CCSER1: variants seen among roughly 807,000 people sequenced by gnomAD.
The protein encoded by CCSER1 is serine-rich coiled-coil domain-containing protein 1.
Under a neutral mutation model 82.0 loss-of-function variants are expected in CCSER1, and 41 were observed. The observed-to-expected ratio is 0.50, with a 90% CI of 0.39 to 0.65. The LOEUF is 0.65. Ranked by LOEUF, CCSER1 falls within the 30% of genes least tolerant of loss-of-function variation. The pLI is 0.00. For missense variants in CCSER1, 1,119 were observed against 1,064.2 expected, an observed-to-expected ratio of 1.05 and a Z score of -0.72; for synonymous variants, 414 against 383.9, an observed-to-expected ratio of 1.08 and a Z score of -0.92.
chr4:91,108,718 C>T (rs780180528), intron 10 of CCSER1, among the ~76,000 whole-genome samples: 13 of 152,186 alleles, frequency 8.5e-5, no homozygotes, highest in Non-Finnish European at 1.6e-4. Context: ...TCATTTCTTG[C>T]TTCCAATGGT....
chr4:90,822,562 A>G (rs1759884525), intron 8 of CCSER1, among the ~76,000 whole-genome samples: 1 of 152,030 alleles, frequency 6.6e-6, no homozygotes. Flanking sequence ...CCTCATCTCT[A>G]CTAAAAATAC....
chr4:91,462,040 T>A (rs1212609318), intron 10 of CCSER1, among the ~76,000 whole-genome samples: 1 of 152,168 alleles, frequency 6.6e-6, no homozygotes, highest in Non-Finnish European at 1.5e-5. Flanking sequence ...CAAACAAAAG[T>A]ACAATCTTAT....
At chr4:90,281,779 T>C (rs1424196130) in intron 1 of CCSER1, among the ~76,000 whole-genome samples, 1 of 152,106 alleles carries the variant, frequency 6.6e-6, no homozygotes, top group Non-Finnish European at 1.5e-5. Context: ...GATTTTGTAC[T>C]CATTTACATT....
intron 6 of CCSER1, among the ~76,000 whole-genome samples, chr4:90,657,481 T>C (rs1729910796): frequency 1.3e-5 from 2 of 152,194 alleles, no homozygotes; most frequent in Admixed American, 6.5e-5. Context: ...ATAGTTCTTC[T>C]GTTTTTTACT....
At chr4:90,406,749 G>T (rs1429071588) in intron 4 of CCSER1, among the ~76,000 whole-genome samples, 3 of 152,146 alleles carry the variant, frequency 2.0e-5, no homozygotes, top group Non-Finnish European at 4.4e-5. Context: ...ACCTGCTTCT[G>T]CATGATCATT....
intron 10 of CCSER1, among the ~76,000 whole-genome samples, chr4:91,376,706 T>C (rs1578303877): frequency 1.3e-5 from 2 of 152,294 alleles, no homozygotes; most frequent in East Asian, 1.9e-4. Context: ...TTGTATTTGA[T>C]GTTGTGAAGA....
At chr4:91,037,441 G>A (rs957793053) in intron 9 of CCSER1, among the ~76,000 whole-genome samples, 2 of 152,154 alleles carry the variant, frequency 1.3e-5, no homozygotes, top group Non-Finnish European at 2.9e-5. Context: ...TGTAGCTGGA[G>A]CAAATTCAAC....
At chr4:90,746,257 G>A (rs1017709065) in intron 7 of CCSER1, among the ~76,000 whole-genome samples, 1 of 151,974 alleles carries the variant, frequency 6.6e-6, no homozygotes, top group Admixed American at 6.6e-5. Flanking sequence ...TCCTAGTATA[G>A]AACCAGTACA....
chr4:90,616,095 G>C (rs111425531), intron 5 of CCSER1, among the ~76,000 whole-genome samples: 141 of 152,244 alleles, frequency 9.3e-4, no homozygotes, highest in Admixed American at 1.5e-3. Flanking sequence ...TTAAATTAAG[G>C]CGTGTACATT....
At chr4:90,287,304 T>A (rs759738142) in intron 1 of CCSER1, among the ~76,000 whole-genome samples, 1 of 152,018 alleles carries the variant, frequency 6.6e-6, no homozygotes, top group Non-Finnish European at 1.5e-5. Context: ...TATAGTGATA[T>A]AGTAAATATT....
chr4:91,218,251 T>C (rs1161957529), intron 10 of CCSER1, among the ~76,000 whole-genome samples: 2 of 152,184 alleles, frequency 1.3e-5, no homozygotes, highest in Non-Finnish European at 2.9e-5. Flanking sequence ...AAGGGTTGGC[T>C]GGCTGCTCCG....
At chr4:90,320,730 C>T (rs1214791508) in intron 3 of CCSER1, among the ~76,000 whole-genome samples, 1 of 151,962 alleles carries the variant, frequency 6.6e-6, no homozygotes, top group Non-Finnish European at 1.5e-5. Flanking sequence ...TAAAAATATT[C>T]CATTCATTTT....
intron 5 of CCSER1, among the ~76,000 whole-genome samples, chr4:90,529,006 CT>C (rs914265991): frequency 2.3e-4 from 34 of 147,014 alleles, no homozygotes; most frequent in East Asian, 4.0e-4. Flanking sequence ...CAGATGTCTG[CT>C]TTTTTTTTTC....
chr4:90,939,335 A>C (rs137928938), intron 9 of CCSER1, among the ~76,000 whole-genome samples: 1,691 of 152,304 alleles, frequency 0.011, 42 homozygotes, highest in African/African-American at 0.038. Flanking sequence ...GGTTTATTGG[A>C]AATTAACCTC....
At chr4:90,687,986 G>C (rs1735130290) in intron 6 of CCSER1, among the ~76,000 whole-genome samples, 1 of 152,072 alleles carries the variant, frequency 6.6e-6, no homozygotes, top group South Asian at 2.1e-4. Flanking sequence ...TTGAGCCTGA[G>C]TTCTGTACAG....
chr4:90,201,795 T>G (rs1234328588), intron 1 of CCSER1, among the ~76,000 whole-genome samples: 1 of 152,028 alleles, frequency 6.6e-6, no homozygotes, highest in Non-Finnish European at 1.5e-5. Flanking sequence ...ATGAAAGTTG[T>G]GTAGAATTTG....
rs182471755 is a variant in CCSER1, at chr4:90,851,410, T to C, written c.2094+35565T>C. Among the ~76,000 whole-genome samples, 472 of 130,470 alleles carry C rather than the reference T, an allele frequency of 3.6e-3. 3 individuals carry two copies. Among genetic ancestry groups the C allele is most frequent in the African/African-American group, 0.013 (449 of 35,052 alleles). The allele number at this position is 130,470 out of a possible 152,430, so 85.6% of individuals were successfully genotyped here. A position where few individuals can be genotyped will look rare whatever the true frequency, so the allele number is the denominator to read the frequency against. ...AGGGATGATAACCTTTCCTACACTT[T>C]GCCAATCATTGTATTAATTCTGTGA... On this transcript the variant is annotated intron_variant, in intron 8 of 10. Coordinates refer to ENST00000509176, the MANE Select transcript of CCSER1 (RefSeq NM_001145065.2).
intron 10 of CCSER1, among the ~76,000 whole-genome samples, chr4:91,408,552 G>C (rs977318286): frequency 6.6e-6 from 1 of 151,970 alleles, no homozygotes; most frequent in Non-Finnish European, 1.5e-5. Flanking sequence ...AACAGTTTTT[G>C]CTTTAAAGTT....
chr4:90,683,900 A>T (rs552271426), intron 6 of CCSER1, among the ~76,000 whole-genome samples: 1 of 152,172 alleles, frequency 6.6e-6, no homozygotes, highest in African/African-American at 2.4e-5. Context: ...GGAATGGAAC[A>T]AAATAATTAT....
Sources: allele counts gnomAD v4.1 joint callset (sites outside exome capture counted in the v4.1 genomes callset), GRCh38; gene constraint gnomAD v4.1.1; transcripts MANE v1.5; gene names NCBI Gene and HGNC (gene_info 2026-07-23, HGNC 2026-07-21).